Variants in MAEL observed in about 807,000 individuals in gnomAD.
The protein encoded by MAEL is maelstrom spermatogenic transposon silencer.
In MAEL, 46 loss-of-function variants were observed where a neutral mutation model predicts 62.0. The ratio of observed to expected loss-of-function variants is 0.74; its 90% CI spans 0.59 to 0.95. The LOEUF is 0.95. MAEL is among the 40% of genes least tolerant of loss of function. The pLI is 0.00. For synonymous variants in MAEL, 172 were observed against 175.5 expected (o/e 0.98, Z 0.16); for missense variants, 497 against 526.8 (o/e 0.94, Z 0.55).
At chr1:167,016,330 A>C (rs1172235104) in intron 9 of MAEL, 46 bp downstream of exon 9, 2 of 1,574,634 alleles carry the variant, frequency 1.3e-6, no homozygotes, top group Non-Finnish European at 8.7e-7. Flanking sequence ...ATTCTGATTA[A>C]ATTATTCTGT....
At chr1:166,983,649 A>G (rs780157880) in intron 1 of MAEL, among the ~76,000 whole-genome samples, 3 of 152,198 alleles carry the variant, frequency 2.0e-5, no homozygotes, top group Non-Finnish European at 4.4e-5. Context: ...ATCTGGTTGG[A>G]AAATGGGGAA....
chr1:167,000,789 A>G (rs1664628108), intron 5 of MAEL, among the ~76,000 whole-genome samples: 3 of 152,220 alleles, frequency 2.0e-5, no homozygotes, highest in Admixed American at 2.0e-4. Flanking sequence ...AGGATCTTCC[A>G]CCAGCATGGG....
At chr1:166,991,571 C>T in intron 3 of MAEL, 94 bp downstream of exon 3, 1 of 753,468 alleles carries the variant, frequency 1.3e-6, no homozygotes, top group Admixed American at 2.0e-5. Flanking sequence ...TTTTGATCCT[C>T]CGTTTCAAAG....
intron 3 of MAEL, among the ~76,000 whole-genome samples, chr1:166,991,866 T>A (rs1220753690): frequency 6.6e-6 from 1 of 152,200 alleles, no homozygotes; most frequent in African/African-American, 2.4e-5. Flanking sequence ...AAGAGTAGGT[T>A]TTACATATTC....
At chr1:167,000,290 T>G (rs979867203) in intron 5 of MAEL, among the ~76,000 whole-genome samples, 1 of 152,178 alleles carries the variant, frequency 6.6e-6, no homozygotes, top group African/African-American at 2.4e-5. Flanking sequence ...ATATCAACAT[T>G]AAAGGTTGTT....
intron 8 of MAEL, among the ~76,000 whole-genome samples, chr1:167,008,876 C>G (rs2102109034): frequency 6.6e-6 from 1 of 151,994 alleles, no homozygotes; most frequent in East Asian, 1.9e-4. Context: ...TTAGTAAATT[C>G]CAGTGTTTTT....
At chr1:166,987,408 T>A (rs1387632112), upstream of MAEL, among the ~76,000 whole-genome samples, 1 of 152,210 alleles carries the variant, frequency 6.6e-6, no homozygotes, top group Non-Finnish European at 1.5e-5. Flanking sequence ...GTGCCACAAT[T>A]TATCAGTTCA....
intron 8 of MAEL, among the ~76,000 whole-genome samples, chr1:167,008,440 A>T (rs1057500230): frequency 3.9e-5 from 6 of 151,960 alleles, no homozygotes; most frequent in African/African-American, 1.2e-4. Flanking sequence ...GTCTCTTAAA[A>T]TTTTTTTAAA....
At chr1:166,997,374 C>T (rs1664475215) in intron 5 of MAEL, among the ~76,000 whole-genome samples, 1 of 152,144 alleles carries the variant, frequency 6.6e-6, no homozygotes, top group South Asian at 2.1e-4. Context: ...ATCTTTCACT[C>T]GTTTTCTATT....
intron 1 of MAEL, among the ~76,000 whole-genome samples, chr1:166,980,631 G>T (rs1663732738): frequency 6.6e-6 from 1 of 152,218 alleles, no homozygotes; most frequent in Non-Finnish European, 1.5e-5. Flanking sequence ...TAATTTCTCT[G>T]AAAGTTACAG....
intron 5 of MAEL, among the ~76,000 whole-genome samples, chr1:167,000,826 G>GA (rs979002646): frequency 2.0e-5 from 3 of 152,126 alleles, no homozygotes; most frequent in African/African-American, 7.2e-5. Context: ...ACCACTATGG[G>GA]AAAAAATATG....
At chr1:166,992,612 A>G (rs1664236441) in intron 3 of MAEL, 74 bp from the exon 4 acceptor site, 3 of 1,146,436 alleles carry the variant, frequency 2.6e-6, no homozygotes, top group East Asian at 5.3e-5. Context: ...TTTCCCTTCA[A>G]CTAAAGAGGC....
intron 5 of MAEL, among the ~76,000 whole-genome samples, chr1:166,997,183 CTAATAA>C (rs1189693743): frequency 1.3e-5 from 2 of 152,188 alleles, no homozygotes; most frequent in Non-Finnish European, 2.9e-5. Flanking sequence ...TACACTAACA[CTAATAA>C]TAACTGTTGA....
chr1:166,985,715 T>A (rs756482345), upstream of MAEL, among the ~76,000 whole-genome samples: 1 of 152,054 alleles, frequency 6.6e-6, no homozygotes, highest in Non-Finnish European at 1.5e-5. Flanking sequence ...TTTATAAGAA[T>A]ATAGAAATAT....
chr1:166,987,785 G>T (rs1037457211), upstream of MAEL, among the ~76,000 whole-genome samples: 3 of 152,128 alleles, frequency 2.0e-5, no homozygotes, highest in Non-Finnish European at 4.4e-5. Flanking sequence ...ACCCTCCAAA[G>T]ATGTAAAAGA....
chr1:167,003,466 T>A (rs115626251), intron 5 of MAEL, among the ~76,000 whole-genome samples: 1 of 152,198 alleles, frequency 6.6e-6, no homozygotes, highest in African/African-American at 2.4e-5. Context: ...TTGAGACTTA[T>A]GATAATGTTA....
chr1:167,005,485 A>G (rs1664854089), intron 8 of MAEL, 88 bp downstream of exon 8: 3 of 1,120,938 alleles, frequency 2.7e-6, no homozygotes, highest in South Asian at 3.4e-5. Flanking sequence ...CTTTTTATGC[A>G]ATATTTTCCC....
upstream of MAEL, among the ~76,000 whole-genome samples, chr1:166,988,686 C>G (rs1664009549): frequency 6.6e-6 from 1 of 152,008 alleles, no homozygotes; most frequent in South Asian, 2.1e-4. Flanking sequence ...TTCATAAAAA[C>G]TCATATTGTT....
At chr1:167,005,566 T>A in intron 8 of MAEL, 169 bp downstream of exon 8, 1 of 554,754 alleles carries the variant, frequency 1.8e-6, no homozygotes, top group Admixed American at 3.7e-5. Flanking sequence ...TTGTTACTTG[T>A]GTATCACTAA....
Sources: allele counts gnomAD v4.1 joint callset (sites outside exome capture counted in the v4.1 genomes callset), GRCh38; gene constraint gnomAD v4.1.1; transcripts MANE v1.5; gene names NCBI Gene and HGNC (gene_info 2026-07-23, HGNC 2026-07-21).